The following CAMK2G variants were observed in gnomAD, a reference collection of about 807,000 sequenced individuals.
The protein encoded by CAMK2G is calcium/calmodulin-dependent protein kinase type II subunit gamma.
Under a neutral mutation model 88.7 loss-of-function variants are expected in CAMK2G, and 23 were observed. That is an observed-to-expected ratio of 0.26 (90% CI 0.19 to 0.37). CAMK2G has a LOEUF of 0.37. Among genes scored for constraint, CAMK2G ranks in the 10% least tolerant of loss-of-function variants. CAMK2G has a pLI of 1.00. For missense variants in CAMK2G, 476 were observed against 780.8 expected (o/e 0.61, Z 4.65); for synonymous variants, 263 against 294.8 (o/e 0.89, Z 1.11).
At chr10:73,858,903 A>G (rs759829963) in intron 3 of CAMK2G, among the ~76,000 whole-genome samples, 12 of 152,134 alleles carry the variant, frequency 7.9e-5, no homozygotes, top group Non-Finnish European at 1.3e-4. Context: ...TCCGTGGCCA[A>G]CCCATCCGTG....
At chr10:73,820,476 ATATATATATATATATATTTT>A (rs2087701652) in intron 18 of CAMK2G, among the ~76,000 whole-genome samples, 1 of 30,522 alleles carries the variant, frequency 3.3e-5, no homozygotes, top group Non-Finnish European at 6.0e-5. Context: ...ATATATATAT[ATATATATATATATATATTTT>A]TTTTTTTTTT....
chr10:73,838,958 C>CCA (rs2093510889), intron 13 of CAMK2G, among the ~76,000 whole-genome samples: 2 of 152,188 alleles, frequency 1.3e-5, no homozygotes, highest in Non-Finnish European at 2.9e-5. Context: ...ATCTTAAGCA[C>CCA]CACCATGTTA....
chr10:73,822,450 G>GC (rs2089272014), intron 17 of CAMK2G, among the ~76,000 whole-genome samples: 1 of 152,134 alleles, frequency 6.6e-6, no homozygotes, highest in Non-Finnish European at 1.5e-5. Flanking sequence ...TTACGGGCGT[G>GC]AGCCACCACG....
chr10:73,865,549 C>T (rs370917142), intron 2 of CAMK2G, among the ~76,000 whole-genome samples: 7 of 152,300 alleles, frequency 4.6e-5, no homozygotes, highest in East Asian at 3.9e-4. Flanking sequence ...GGCTGGCCCA[C>T]GGCTGCAAAA....
intron 3 of CAMK2G, among the ~76,000 whole-genome samples, chr10:73,856,445 C>A (rs1474409020): frequency 6.6e-6 from 1 of 152,210 alleles, no homozygotes; most frequent in Admixed American, 6.5e-5. Context: ...GCAGCTACCC[C>A]GGAGCAGGCG....
At chr10:73,832,959 TTC>T (rs140499451) in intron 14 of CAMK2G, among the ~76,000 whole-genome samples, 3 of 147,502 alleles carry the variant, frequency 2.0e-5, no homozygotes, top group Non-Finnish European at 3.0e-5. Context: ...CTTTTTTTTC[TTC>T]TCTCTCTTTT....
At chr10:73,849,438 T>G (rs2094471819) in intron 5 of CAMK2G, 105 bp from the exon 6 acceptor site, 1 of 738,108 alleles carries the variant, frequency 1.4e-6, no homozygotes, top group East Asian at 2.7e-5. Flanking sequence ...GGGCCACGGA[T>G]TCACAGAGAA....
intron 14 of CAMK2G, among the ~76,000 whole-genome samples, chr10:73,828,433 A>G (rs1261171557): frequency 6.6e-6 from 1 of 152,218 alleles, no homozygotes; most frequent in Non-Finnish European, 1.5e-5. Context: ...TGTGAGGTTA[A>G]GTATCATTTT....
At chr10:73,818,757 C>G in intron 19 of CAMK2G, 1 of 456,180 alleles carries the variant, frequency 2.2e-6, no homozygotes, top group Non-Finnish European at 4.4e-6. Context: ...AACACACACA[C>G]CCTCTCCAAC....
At chr10:73,855,527 A>AACACCACCCCATGCCCC (rs915346038) in intron 3 of CAMK2G, among the ~76,000 whole-genome samples, 1 of 149,236 alleles carries the variant, frequency 6.7e-6, no homozygotes, top group Non-Finnish European at 1.5e-5. Context: ...CCCCATGCCC[A>AACACCACCCCATGCCCC]ACACCACCCC....
chr10:73,842,249 C>A lies in CAMK2G; in HGVS notation c.904-38G>T, dbSNP rs146024416. 1.3e-6 allele frequency: 2 copies of A among 1,565,952 alleles called. No individual in the cohort carries two copies. The highest frequency in any genetic ancestry group is 1.8e-6 in the Non-Finnish European group (2 of 1,136,118). The stretch of plus-strand genomic sequence containing the variant: ...GAAGGTCCTGTGAATTCACTGAGAC[C>A]CTAGAAAAGGGCAGGCTGGTCTCAG... On this transcript the variant is annotated intron_variant, in intron 11 of 22. Coordinates refer to ENST00000423381, the MANE Select transcript of CAMK2G (RefSeq NM_001367534.1). The surrounding 1 kb of genome is among the most constrained non-coding windows in gnomAD (Gnocchi z 4.6).
At chr10:73,824,993 G>A (rs542719378) in intron 16 of CAMK2G, among the ~76,000 whole-genome samples, 3 of 152,332 alleles carry the variant, frequency 2.0e-5, no homozygotes, top group South Asian at 2.1e-4. Flanking sequence ...CCCACTAGGG[G>A]TCCTGGGCTG....
At chr10:73,846,278 T>TC (rs2094235210) in intron 10 of CAMK2G, 1 of 152,186 alleles carries the variant, frequency 6.6e-6, no homozygotes, top group Non-Finnish European at 1.5e-5. Flanking sequence ...AACTCAACAT[T>TC]CCTTCAACTC....
chr10:73,815,796 A>T (rs891273558), intron 21 of CAMK2G: 28 of 985,474 alleles, frequency 2.8e-5, no homozygotes, highest in Non-Finnish European at 3.3e-5. Flanking sequence ...TCATCAAAGC[A>T]CCAAGCTCAG....
At chr10:73,870,998 T>C (rs1220198044) in intron 2 of CAMK2G, among the ~76,000 whole-genome samples, 1 of 152,032 alleles carries the variant, frequency 6.6e-6, no homozygotes, top group East Asian at 1.9e-4. Context: ...ACTTACACAT[T>C]CTGACCCCTC....
chr10:73,820,599 C>G (rs1329575659), intron 18 of CAMK2G, among the ~76,000 whole-genome samples: 1 of 144,864 alleles, frequency 6.9e-6, no homozygotes, highest in Non-Finnish European at 1.5e-5. Context: ...CGGGTTCAAG[C>G]CATTTTCATG....
Position 73,873,155 on chromosome 10 carries a change from G to A in CAMK2G, c.66-72C>T, listed in dbSNP as rs2095898150. 4 of 1,120,286 alleles carry A rather than the reference G, an allele frequency of 3.6e-6. No individual in the cohort carries two copies. The Admixed American group carries it at 6.8e-5, about 19-fold the overall frequency. 69.4% of individuals were successfully genotyped at this position (1,120,286 alleles called of 1,614,324 possible). A position where few individuals can be genotyped will look rare whatever the true frequency, so the allele number is the denominator to read the frequency against. On this transcript the variant is annotated intron_variant, in intron 1 of 22. Transcript: ENST00000423381. ...TGACACAGACACACTTCAAGTCTGG[G>A]GACGATGATGCTCCCACCACCAGAC...
intron 2 of CAMK2G, among the ~76,000 whole-genome samples, chr10:73,867,032 T>C (rs769976445): frequency 6.6e-6 from 1 of 152,198 alleles, no homozygotes; most frequent in Non-Finnish European, 1.5e-5. Flanking sequence ...TGGTTTCTAA[T>C]GCCCTCACAC....
rs1351169233 is a variant in CAMK2G at position 73,839,503 on chromosome 10, C to T, written c.1009+36G>A. Reference sequence around the variant, plus strand: ...CCCTCCTGGTGGGGTGGCAGGGGGCCGAGGCAGGCGGTCGGGGAGGACTCA... The same window carrying T: ...CCCTCCTGGTGGGGTGGCAGGGGGCTGAGGCAGGCGGTCGGGGAGGACTCA... On this transcript the variant is annotated intron_variant, in intron 13 of 22. Transcript: ENST00000423381. This position sits in a 1 kb window ranked among gnomAD's most constrained non-coding sequence, Gnocchi z 4.2. 5 of 1,207,812 alleles carry T rather than the reference C, an allele frequency of 4.1e-6. No individual in the cohort carries two copies. The highest frequency in any genetic ancestry group is 3.2e-5 in the East Asian group (1 of 31,538). 74.8% of individuals were successfully genotyped at this position (1,207,812 alleles called of 1,614,324 possible).
Sources: allele counts gnomAD v4.1 joint callset (sites outside exome capture counted in the v4.1 genomes callset), GRCh38; gene constraint gnomAD v4.1.1; non-coding constraint Gnocchi (gnomAD v3.1); transcripts MANE v1.5; gene names NCBI Gene and HGNC (gene_info 2026-07-23, HGNC 2026-07-21).